Variants in C2CD3 observed in about 807,000 individuals in gnomAD.
C2CD3 encodes C2 domain-containing protein 3.
C2CD3 carries 148 observed loss-of-function variants against 234.0 expected under a neutral mutation model. The observed-to-expected ratio is 0.63, with a 90% confidence interval of 0.55 to 0.72. The LOEUF (loss-of-function observed/expected upper bound fraction) is 0.72, where lower values mean the gene tolerates loss of function less well. Ranked by LOEUF, C2CD3 falls within the 30% of genes least tolerant of loss-of-function variation. The pLI is 0.00. For synonymous variants in C2CD3, 1,000 were observed against 1,035.4 expected (o/e 0.97, Z 0.66); for missense variants, 2,577 against 2,811.5 (o/e 0.92, Z 1.89).
intron 9 of C2CD3, among the ~76,000 whole-genome samples, chr11:74,116,888 G>GTGTATA (rs1956962571): frequency 1.8e-5 from 2 of 112,536 alleles, no homozygotes; most frequent in Admixed American, 1.8e-4. Context: ...ATATACACAC[G>GTGTATA]TGTATATATA....
At chr11:74,048,145 C>T in intron 28 of C2CD3, 60 bp downstream of exon 28, 1 of 1,541,276 alleles carries the variant, frequency 6.5e-7, no homozygotes, top group Non-Finnish European at 8.9e-7. Context: ...AAATGATAAG[C>T]CAGTTCACAC....
At chr11:74,158,552 G>C (rs1471003970) in intron 3 of C2CD3, among the ~76,000 whole-genome samples, 1 of 151,896 alleles carries the variant, frequency 6.6e-6, no homozygotes, top group Non-Finnish European at 1.5e-5. Flanking sequence ...GTGAAACCCT[G>C]TCTCTACTAA....
At position 74,084,926 on chromosome 11, in the gene C2CD3, C is replaced by T. The variant is rs1590752104; in HGVS notation, c.3955G>A (p.Gly1319Arg). 2 of 1,612,816 alleles carry T rather than the reference C, an allele frequency of 1.2e-6. No homozygotes were observed. Among genetic ancestry groups the T allele is most frequent in the Non-Finnish European group, 1.7e-6 (2 of 1,178,986 alleles). ...TCTTTTGTTGGAACTTTTACTACTC[C>T]AAGCAGATACTCTTTGCATGACTCA... is the stretch of plus-strand genomic sequence containing the variant. ...SIESCKEYLLGVVKVPTKELL... is the reference protein window; with the variant it reads ...SIESCKEYLLRVVKVPTKELL... Residue 1319 changes from glycine to arginine, a missense_variant, in exon 22 of 33, where the codon GGA becomes AGA. Coordinates refer to ENST00000334126, the MANE Select transcript of C2CD3 (RefSeq NM_001286577.2).
chr11:74,094,136 A>G, intron 17 of C2CD3, 137 bp from the exon 18 acceptor site: 1 of 566,318 alleles, frequency 1.8e-6, no homozygotes. Context: ...ATAATACAGA[A>G]GAAAAAGATA....
intron 24 of C2CD3, among the ~76,000 whole-genome samples, chr11:74,067,494 A>G (rs954886360): frequency 4.6e-5 from 7 of 152,064 alleles, no homozygotes; most frequent in African/African-American, 7.3e-5. Context: ...TATTAAAGAA[A>G]AAAATTTTTT....
intron 30 of C2CD3, among the ~76,000 whole-genome samples, chr11:74,035,746 C>T (rs1327227105): frequency 4.6e-5 from 7 of 151,050 alleles, no homozygotes; most frequent in African/African-American, 1.7e-4. Context: ...ATCTAATCAT[C>T]TTTCTCTTTT....
rs548958544 is a variant in C2CD3, at chr11:74,065,389, C to T, written c.4952-7845G>A. On this transcript the variant is annotated intron_variant, in intron 24 of 32. Transcript: ENST00000334126. ...TACCATCTCACACCAGTTAGAATGGCGATCATTAAAAAGTCAGGAAACAAC... is the reference window on the plus strand; with the variant it reads ...TACCATCTCACACCAGTTAGAATGGTGATCATTAAAAAGTCAGGAAACAAC... Among the ~76,000 whole-genome samples, 11 of 152,140 alleles carry T rather than the reference C, an allele frequency of 7.2e-5. No homozygotes were observed. The East Asian group carries it at 1.4e-3, about 19-fold the overall frequency.
At chr11:74,056,102 C>T (rs1189736688) in intron 25 of C2CD3, among the ~76,000 whole-genome samples, 1 of 152,176 alleles carries the variant, frequency 6.6e-6, no homozygotes, top group East Asian at 1.9e-4. Context: ...CACTGCAGTT[C>T]TAGCTCCTGA....
At chr11:74,170,635 C>G (rs1857120320) in intron 1 of C2CD3, 103 bp downstream of exon 1, 1 of 1,336,270 alleles carries the variant, frequency 7.5e-7, no homozygotes, top group African/African-American at 1.5e-5. Flanking sequence ...TTCCTTCTTA[C>G]GTCCCTTTTC....
chr11:74,108,937 C>T (rs1189987426), intron 12 of C2CD3, 97 bp downstream of exon 12: 5 of 681,490 alleles, frequency 7.3e-6, no homozygotes, highest in Non-Finnish European at 7.8e-6. Flanking sequence ...GTACTGCCTG[C>T]ACCTGAAGAT....
rs1957752744 is a variant in C2CD3, at chr11:74,133,607, CA to C, written c.956-51del. 3 of 1,599,312 alleles carry C rather than the reference CA, an allele frequency of 1.9e-6. No homozygotes were observed. The African/African-American group carries it at 4.0e-5, about 21-fold the overall frequency. On this transcript the variant is annotated intron_variant, in intron 5 of 32. Coordinates refer to ENST00000334126, the MANE Select transcript of C2CD3 (RefSeq NM_001286577.2). The stretch of plus-strand genomic sequence containing the variant: ...AGAAAAATCCAAAATGCAGCAGAAA[CA>C]TTTGGAATATTCAGTGCATTTCCTT...
At chr11:74,147,600 C>T (rs898366883) in intron 3 of C2CD3, among the ~76,000 whole-genome samples, 1 of 152,178 alleles carries the variant, frequency 6.6e-6, no homozygotes, top group African/African-American at 2.4e-5. Flanking sequence ...AAATCCCAGC[C>T]TCAGATCACT....
rs747659778 is a variant in C2CD3 at position 74,098,075 on chromosome 11, T to G, written c.2913A>C (p.Thr971=). The change falls in exon 16 of 33, where the codon ACA becomes ACC. Residue 971 remains threonine (T), a synonymous_variant. Coordinates refer to ENST00000334126, the MANE Select transcript of C2CD3 (RefSeq NM_001286577.2). ...CTGGCCTAGGGCTGAAGGGAGGGAG[T>G]GTTCCTTCTTCATTCTTTAATCTTT... The part of the protein sequence containing the change: ...ALQRLKNEEG[T]LPPFSPRPAH... 28 of 1,612,568 alleles carry G rather than the reference T, an allele frequency of 1.7e-5. No homozygotes were observed. The highest frequency in any genetic ancestry group is 2.2e-5 in the Non-Finnish European group (26 of 1,179,020).
chr11:74,165,486 T>A (rs911995674), intron 2 of C2CD3, among the ~76,000 whole-genome samples: 2 of 152,142 alleles, frequency 1.3e-5, no homozygotes, highest in African/African-American at 4.8e-5. Context: ...TTAGTTTACT[T>A]TTTGCATTTT....
intron 10 of C2CD3, 138 bp downstream of exon 10, chr11:74,114,246 G>T: frequency 1.5e-6 from 1 of 670,798 alleles, no homozygotes; most frequent in South Asian, 1.8e-5. Context: ...ATATAGCAGG[G>T]ATTCAATATA....
At position 74,033,928 on chromosome 11, in the gene C2CD3, T is replaced by A; in HGVS notation, c.6232A>T (p.Thr2078Ser). 1.3e-6 allele frequency: 2 copies of A among 1,536,236 alleles called. No homozygotes were observed. The highest frequency in any genetic ancestry group is 1.7e-6 in the Non-Finnish European group (2 of 1,146,894). ...GGGCTAGTTTTGTCTGTCACCGTGGTGATCTCATTTAAGGTCCTGGGCTCA... is the reference window on the plus strand; with the variant it reads ...GGGCTAGTTTTGTCTGTCACCGTGGAGATCTCATTTAAGGTCCTGGGCTCA... ...IIEPRTLNEI[T>S]TVTDKTSPWS... Residue 2078 changes from threonine to serine, a missense_variant, in exon 31 of 33, where the codon ACC (threonine) becomes TCC (serine). By Grantham distance (58) the Thr-to-Ser change is moderately conservative. Transcript: ENST00000334126.
At chr11:74,023,045 G>A (rs1328681207) in intron 32 of C2CD3, among the ~76,000 whole-genome samples, 6 of 152,234 alleles carry the variant, frequency 3.9e-5, no homozygotes, top group Non-Finnish European at 8.8e-5. Flanking sequence ...AAGATCTGAC[G>A]AATGTCATAC....
chr11:74,170,793 G>A lies in C2CD3; in HGVS notation c.-1C>T. Reference sequence around the variant, plus strand: ...ACCCTTGGCCTTTTCGTTGTTTCATGATGAGCCCGAGCTCTTCTTCACCAG... The same window carrying A: ...ACCCTTGGCCTTTTCGTTGTTTCATAATGAGCCCGAGCTCTTCTTCACCAG... On this transcript the variant is annotated 5_prime_UTR_variant, in exon 1 of 33. Transcript: ENST00000334126. 1 of 1,614,128 alleles carries A rather than the reference G, an allele frequency of 6.2e-7. No homozygotes were observed. The highest frequency in any genetic ancestry group is 1.1e-5 in the South Asian group (1 of 91,074).
intron 9 of C2CD3, among the ~76,000 whole-genome samples, chr11:74,116,588 G>C (rs774924305): frequency 4.0e-5 from 6 of 151,822 alleles, no homozygotes; most frequent in Non-Finnish European, 5.9e-5. Flanking sequence ...AGAACTAAAA[G>C]TAGAACTACC....
Sources: allele counts gnomAD v4.1 joint callset (sites outside exome capture counted in the v4.1 genomes callset), GRCh38; gene constraint gnomAD v4.1.1; transcripts MANE v1.5; gene names NCBI Gene and HGNC (gene_info 2026-07-23, HGNC 2026-07-21).